The following LPP variants were observed in gnomAD, a reference collection of about 807,000 sequenced individuals.
The protein encoded by LPP is LIM domain containing preferred translocation partner in lipoma.
LPP carries 38 observed loss-of-function variants against 60.4 expected under a neutral mutation model. The observed-to-expected ratio is 0.63, with a 90% CI of 0.49 to 0.83. The LOEUF (loss-of-function observed/expected upper bound fraction) is 0.83. LPP is among the 40% of genes least tolerant of loss of function. LPP has a pLI of 0.00. For missense variants in LPP, 902 were observed against 783.6 expected, an observed-to-expected ratio of 1.15 and a Z score of -1.80; for synonymous variants, 328 against 290.8, an observed-to-expected ratio of 1.13 and a Z score of -1.30.
chr3:188,558,763 A>T (rs1365600903), intron 6 of LPP, among the ~76,000 whole-genome samples: 1 of 152,120 alleles, frequency 6.6e-6, no homozygotes, highest in Non-Finnish European at 1.5e-5. Flanking sequence ...TTCTCAAAAA[A>T]AGTGGAATAA....
intron 9 of LPP, among the ~76,000 whole-genome samples, chr3:188,815,880 C>A (rs1752332576): frequency 6.6e-6 from 1 of 152,180 alleles, no homozygotes; most frequent in Non-Finnish European, 1.5e-5. Context: ...CTCCTGCAAG[C>A]CACAGGGAAG....
At chr3:188,611,736 T>C (rs1307900134) in intron 7 of LPP, among the ~76,000 whole-genome samples, 1 of 152,232 alleles carries the variant, frequency 6.6e-6, no homozygotes, top group African/African-American at 2.4e-5. Context: ...CAAAACTATG[T>C]GTCTTGATGA....
intron 5 of LPP, among the ~76,000 whole-genome samples, chr3:188,488,551 G>C (rs1448350925): frequency 6.6e-6 from 1 of 152,112 alleles, no homozygotes; most frequent in African/African-American, 2.4e-5. Flanking sequence ...ATATATGCTA[G>C]TGATTATAGC....
rs143961770 is a variant in LPP, at chr3:188,317,849, T to G, written c.-66-23814T>G. On this transcript the variant is annotated intron_variant, in intron 2 of 11. Transcript: ENST00000617246. ...GGGAGAAAAGAGAGAATCTCAGGAATTGAAAGTCTCAATGGAGAAGAGGTG... is the reference window on the plus strand; with the variant it reads ...GGGAGAAAAGAGAGAATCTCAGGAAGTGAAAGTCTCAATGGAGAAGAGGTG... Among the ~76,000 whole-genome samples the G allele has an allele frequency of 6.2e-3, 950 of 152,088 alleles. 14 individuals carry two copies. The highest frequency in any genetic ancestry group is 0.022 in the African/African-American group (924 of 41,478).
At chr3:188,531,172 A>G (rs1822086000) in intron 6 of LPP, among the ~76,000 whole-genome samples, 1 of 152,164 alleles carries the variant, frequency 6.6e-6, no homozygotes. Flanking sequence ...TTGCTTTTGA[A>G]TTGATTAAAT....
At chr3:188,357,606 T>A (rs187779082) in intron 3 of LPP, among the ~76,000 whole-genome samples, 5 of 152,276 alleles carry the variant, frequency 3.3e-5, no homozygotes, top group Non-Finnish European at 7.3e-5. Context: ...CACAAGATAT[T>A]TATCCAAAAT....
intron 5 of LPP, among the ~76,000 whole-genome samples, chr3:188,500,925 C>G (rs531512088): frequency 3.4e-5 from 5 of 148,678 alleles, no homozygotes; most frequent in Non-Finnish European, 7.5e-5. Context: ...TAGTTTGAGT[C>G]TTCTCTCTCT....
chr3:188,874,579 C>T lies in LPP; in HGVS notation c.*100C>T, dbSNP rs1769026094. 1 of 1,321,204 alleles carries T rather than the reference C, an allele frequency of 7.6e-7. No homozygotes were observed. The highest frequency in any genetic ancestry group is 1.5e-5 in the South Asian group (1 of 67,726). 81.8% of individuals were successfully genotyped at this position (1,321,204 alleles called of 1,614,324 possible). ...ATCAAACTACGCGATAGTCTCTGTT[C>T]TTCATCTGCTATTAACCTTGCCTTA... On this transcript the variant is annotated 3_prime_UTR_variant, in exon 12 of 12. Transcript: ENST00000617246.
intron 2 of LPP, among the ~76,000 whole-genome samples, chr3:188,271,271 T>C (rs903311820): frequency 9.8e-5 from 15 of 152,336 alleles, no homozygotes; most frequent in African/African-American, 3.4e-4. Context: ...GCCCCTCTTA[T>C]TGTTGGAGAA....
At chr3:188,513,567 TA>T (rs1290395910) in intron 5 of LPP, among the ~76,000 whole-genome samples, 1 of 152,098 alleles carries the variant, frequency 6.6e-6, no homozygotes, top group East Asian at 1.9e-4. Context: ...TATTGTTCCT[TA>T]TTATTATCTA....
intron 3 of LPP, among the ~76,000 whole-genome samples, chr3:188,357,018 C>T (rs1223746938): frequency 1.3e-5 from 2 of 152,186 alleles, no homozygotes; most frequent in Admixed American, 1.3e-4. Flanking sequence ...CAAGTCTCTC[C>T]CTTCTTCTCC....
At chr3:188,453,466 G>A (rs1454431063) in intron 4 of LPP, among the ~76,000 whole-genome samples, 1 of 151,792 alleles carries the variant, frequency 6.6e-6, no homozygotes, top group African/African-American at 2.4e-5. Flanking sequence ...CACAATGCCT[G>A]GGGGAATAAG....
At chr3:188,250,776 T>G (rs146839411) in intron 2 of LPP, among the ~76,000 whole-genome samples, 10,973 of 121,164 alleles carry the variant, frequency 0.091, 589 homozygotes, top group African/African-American at 0.13. Context: ...CTTTCTTTCT[T>G]TCTTTCTTTC....
chr3:188,757,909 T>TTTTTC lies in LPP; in HGVS notation c.1241-2204_1241-2203insTTTTC, dbSNP rs1372528441. 1.6e-3 allele frequency among the ~76,000 whole-genome samples: 231 copies of TTTTTC among 147,816 alleles called. 3 individuals carry two copies. The highest frequency in any genetic ancestry group is 5.7e-3 in the African/African-American group (227 of 39,668). ...TTTTGGTTTTTTTTTTTTTTTTTTT[T>TTTTTC]CAGAATAATTTCAAAAATAGTGCCA... On this transcript the variant is annotated intron_variant, in intron 8 of 11. Coordinates refer to ENST00000617246, the MANE Select transcript of LPP (RefSeq NM_001375462.1).
At chr3:188,814,057 G>A (rs564385437) in intron 9 of LPP, among the ~76,000 whole-genome samples, 2 of 152,192 alleles carry the variant, frequency 1.3e-5, no homozygotes, top group Admixed American at 1.3e-4. Context: ...GGGCAACAAA[G>A]TGAGACTCTA....
chr3:188,683,692 T>C (rs1421589829), intron 7 of LPP, among the ~76,000 whole-genome samples: 1 of 152,164 alleles, frequency 6.6e-6, no homozygotes, highest in Non-Finnish European at 1.5e-5. Context: ...AAAAATAAGT[T>C]TATGAAAATG....
rs534919060 is a variant in LPP at position 188,716,200 on chromosome 3, G to A, written c.1240+7807G>A. Among the ~76,000 whole-genome samples the A allele has an allele frequency of 2.6e-5, 4 of 152,272 alleles. No homozygotes were observed. In the East Asian group the frequency reaches 5.8e-4, roughly 22 times the overall value. On this transcript the variant is annotated intron_variant, in intron 8 of 11. Coordinates refer to ENST00000617246, the MANE Select transcript of LPP (RefSeq NM_001375462.1). ...CAGGAGTTTGTTCCAGTGGAACTAG[G>A]CCTTCATTTTTCAAAGGACAGCTAG...
intron 2 of LPP, among the ~76,000 whole-genome samples, chr3:188,299,435 G>A (rs977724085): frequency 3.9e-5 from 6 of 152,148 alleles, no homozygotes; most frequent in Admixed American, 1.3e-4. Flanking sequence ...GCATTACGTC[G>A]TCTTAAGCAG....
chr3:188,636,776 A>G (rs1231950836), intron 7 of LPP, among the ~76,000 whole-genome samples: 3 of 151,856 alleles, frequency 2.0e-5, no homozygotes, highest in African/African-American at 7.3e-5. Context: ...CCTAACTGGG[A>G]GGCACCCCCC....
Sources: allele counts gnomAD v4.1 joint callset (sites outside exome capture counted in the v4.1 genomes callset), GRCh38; gene constraint gnomAD v4.1.1; transcripts MANE v1.5; gene names NCBI Gene and HGNC (gene_info 2026-07-23, HGNC 2026-07-21).